ICA1: variants seen among roughly 807,000 people sequenced by gnomAD.
The protein encoded by ICA1 is 69 kDa islet cell autoantigen.
In ICA1, 40 loss-of-function variants were observed where a neutral mutation model predicts 71.0. The observed-to-expected ratio is 0.56, with a 90% CI of 0.44 to 0.73. The LOEUF (loss-of-function observed/expected upper bound fraction) is 0.73, where lower values mean the gene tolerates loss of function less well. Ranked by LOEUF, ICA1 falls within the 30% of genes least tolerant of loss-of-function variation. ICA1 has a pLI of 0.00. For missense variants in ICA1, 578 were observed against 576.5 expected (o/e 1.00, Z -0.03); for synonymous variants, 207 against 209.5 (o/e 0.99, Z 0.10).
intron 13 of ICA1, among the ~76,000 whole-genome samples, chr7:8,127,355 G>A (rs1360923709): frequency 6.6e-6 from 1 of 152,018 alleles, no homozygotes; most frequent in Non-Finnish European, 1.5e-5. Flanking sequence ...GGTAATGTTT[G>A]GCCCTGTGTT....
chr7:8,252,865 A>C (rs1280327213), intron 1 of ICA1, among the ~76,000 whole-genome samples: 1 of 151,948 alleles, frequency 6.6e-6, no homozygotes, highest in African/African-American at 2.4e-5. Flanking sequence ...ATTTAATTTA[A>C]GCTGTTTCTT....
intron 6 of ICA1, among the ~76,000 whole-genome samples, chr7:8,196,950 C>T (rs1308745159): frequency 2.0e-5 from 3 of 152,078 alleles, no homozygotes; most frequent in African/African-American, 7.2e-5. Context: ...GACTTTGCTC[C>T]TCATTCACCT....
chr7:8,227,093 T>C (rs1447642830), intron 4 of ICA1, among the ~76,000 whole-genome samples: 1 of 152,230 alleles, frequency 6.6e-6, no homozygotes, highest in Admixed American at 6.5e-5. Flanking sequence ...TTTTGTTTTC[T>C]ACCATAACAA....
intron 6 of ICA1, among the ~76,000 whole-genome samples, chr7:8,182,251 A>G (rs1311928844): frequency 6.6e-6 from 1 of 152,166 alleles, no homozygotes; most frequent in Non-Finnish European, 1.5e-5. Flanking sequence ...ACATTCCCTA[A>G]CAAGATCCTT....
intron 12 of ICA1, among the ~76,000 whole-genome samples, chr7:8,138,129 C>T (rs543117510): frequency 1.3e-5 from 2 of 152,286 alleles, no homozygotes; most frequent in South Asian, 4.1e-4. Context: ...AGGCTGAACC[C>T]TCTCAATGTC....
At chr7:8,245,227 G>A (rs1406088391) in intron 1 of ICA1, among the ~76,000 whole-genome samples, 1 of 152,120 alleles carries the variant, frequency 6.6e-6, no homozygotes, top group Non-Finnish European at 1.5e-5. Flanking sequence ...ATACTATGCA[G>A]CCATAAAAAA....
chr7:8,198,021 C>T (rs994449104), intron 6 of ICA1, among the ~76,000 whole-genome samples: 7 of 152,172 alleles, frequency 4.6e-5, no homozygotes, highest in African/African-American at 1.7e-4. Context: ...TATCAACTTT[C>T]TTTTGAAAAT....
At position 8,173,816 on chromosome 7, in the gene ICA1, A is replaced by T. The variant is rs773156247; in HGVS notation, c.580-15164T>A. Among the ~76,000 whole-genome samples, 6 of 151,982 alleles carry T rather than the reference A, an allele frequency of 3.9e-5. No individual in the cohort carries two copies. Among genetic ancestry groups the T allele is most frequent in the Non-Finnish European group, 8.8e-5 (6 of 67,986 alleles). On this transcript the variant is annotated intron_variant, in intron 6 of 13. Coordinates refer to ENST00000402384, the MANE Select transcript of ICA1 (RefSeq NM_001136020.3). The surrounding 1 kb of genome is among the most constrained non-coding windows in gnomAD (Gnocchi z 4.0). Reference sequence around the variant, plus strand: ...TTCCCTCTCTTCCTCCTCCCAAGCAATATAATTGAACACCTATAGCTCTCG... The same window carrying T: ...TTCCCTCTCTTCCTCCTCCCAAGCATTATAATTGAACACCTATAGCTCTCG...
intron 1 of ICA1, among the ~76,000 whole-genome samples, chr7:8,243,183 C>T (rs959736604): frequency 1.1e-4 from 16 of 152,254 alleles, no homozygotes; most frequent in African/African-American, 3.1e-4. Flanking sequence ...TACTGGCAAA[C>T]GGAATCCAGC....
intron 2 of ICA1, 140 bp from the exon 3 acceptor site, chr7:8,232,895 T>C: frequency 2.9e-6 from 2 of 691,008 alleles, no homozygotes; most frequent in Non-Finnish European, 4.4e-6. Context: ...CACTTTCTTA[T>C]CTGGGTGTTA....
intron 12 of ICA1, among the ~76,000 whole-genome samples, chr7:8,138,101 A>G (rs1794023358): frequency 6.6e-6 from 1 of 152,184 alleles, no homozygotes. Flanking sequence ...GGTCAGATGG[A>G]GAGCTAAGGC....
At chr7:8,235,284 C>G (rs757599514) in intron 2 of ICA1, among the ~76,000 whole-genome samples, 8 of 152,080 alleles carry the variant, frequency 5.3e-5, no homozygotes, top group Non-Finnish European at 1.0e-4. Context: ...CTTGGTGGGT[C>G]ATGGGTTCAA....
intron 1 of ICA1, among the ~76,000 whole-genome samples, chr7:8,258,366 C>T (rs2128557305): frequency 6.6e-6 from 1 of 152,294 alleles, no homozygotes; most frequent in African/African-American, 2.4e-5. Context: ...TGTCATCTGA[C>T]TTAGCAAGAG....
chr7:8,118,589 C>T (rs1785550055), intron 13 of ICA1, among the ~76,000 whole-genome samples: 1 of 152,126 alleles, frequency 6.6e-6, no homozygotes. Context: ...TGGCCCCTGA[C>T]CATTTTCCTT....
chr7:8,154,356 C>G (rs1332089732), intron 8 of ICA1, among the ~76,000 whole-genome samples: 1 of 152,122 alleles, frequency 6.6e-6, no homozygotes, highest in Non-Finnish European at 1.5e-5. Flanking sequence ...AAAACTTGTC[C>G]CTCCAAACAG....
chr7:8,227,215 G>T (rs1482332571), intron 4 of ICA1, among the ~76,000 whole-genome samples: 1 of 152,150 alleles, frequency 6.6e-6, no homozygotes, highest in Non-Finnish European at 1.5e-5. Context: ...AATCTGATCG[G>T]GTTTAAAAGT....
intron 6 of ICA1, among the ~76,000 whole-genome samples, chr7:8,168,026 A>AAG (rs752468512): frequency 0.45 from 66,087 of 146,790 alleles, 17,747 homozygotes; most frequent in African/African-American, 0.78. Context: ...GAGAGAGAAA[A>AAG]AGAGGGAGAG....
intron 12 of ICA1, among the ~76,000 whole-genome samples, chr7:8,134,860 C>G (rs1232148670): frequency 6.6e-6 from 1 of 151,760 alleles, no homozygotes; most frequent in East Asian, 1.9e-4. Flanking sequence ...AAACAAACAA[C>G]AAACCAACAG....
Position 8,156,162 on chromosome 7 carries a change from G to C in ICA1, c.804+954C>G, listed in dbSNP as rs143543509. Among the ~76,000 whole-genome samples the C allele has an allele frequency of 2.1e-3, 326 of 152,270 alleles. 3 individuals are homozygous for C. Among genetic ancestry groups the C allele is most frequent in the African/African-American group, 7.4e-3 (309 of 41,548 alleles). ...GTTCCTCTTGGAACCTTCATTTTAA[G>C]GGCCAGGGTCTTAAAGCATTTTTTG... On this transcript the variant is annotated intron_variant, in intron 8 of 13. Coordinates refer to ENST00000402384, the MANE Select transcript of ICA1 (RefSeq NM_001136020.3).
Sources: allele counts gnomAD v4.1 joint callset (sites outside exome capture counted in the v4.1 genomes callset), GRCh38; gene constraint gnomAD v4.1.1; non-coding constraint Gnocchi (gnomAD v3.1); transcripts MANE v1.5; gene names NCBI Gene and HGNC (gene_info 2026-07-23, HGNC 2026-07-21).